CHRNA4: variants seen among roughly 807,000 people sequenced by gnomAD.
The protein encoded by CHRNA4 is neuronal acetylcholine receptor subunit alpha-4.
Under a neutral mutation model 48.9 loss-of-function variants are expected in CHRNA4, and 28 were observed. That is an observed-to-expected ratio of 0.57 (90% CI 0.42 to 0.79). CHRNA4 has a LOEUF of 0.79. Among genes scored for constraint, CHRNA4 ranks in the 30% least tolerant of loss-of-function variants. The pLI, the probability that CHRNA4 is intolerant of heterozygous loss-of-function variation, is 0.00. For missense variants in CHRNA4, 859 were observed against 898.4 expected, an observed-to-expected ratio of 0.96 and a Z score of 0.56; for synonymous variants, 425 against 402.3, an observed-to-expected ratio of 1.06 and a Z score of -0.68.
chr20:63,360,375 T>C (rs1160617075), intron 1 of CHRNA4, among the ~76,000 whole-genome samples: 2 of 152,160 alleles, frequency 1.3e-5, no homozygotes, highest in African/African-American at 4.8e-5. Flanking sequence ...CTGCCCGTGC[T>C]GTTGGGCAGA....
At chr20:63,359,911 G>GTGTGTGTGCCGGGCGTGCGC in intron 1 of CHRNA4, 4 of 518,628 alleles carry the variant, frequency 7.7e-6, no homozygotes, top group South Asian at 4.1e-5. Context: ...GTGTGTGTGT[G>GTGTGTGTGCCGGGCGTGCGC]TGTGTGTGTG....
At position 63,344,843 on chromosome 20, in the gene CHRNA4, G is replaced by A. The variant is rs1246346753; in HGVS notation, c.*1895C>T. The A allele has an allele frequency of 4.5e-6, 2 of 443,678 alleles. No individual in the cohort carries two copies. Among genetic ancestry groups the A allele is most frequent in the Admixed American group, 4.8e-5 (2 of 41,954 alleles). The allele number at this position is 443,678 out of a possible 1,614,324, so 27.5% of individuals were successfully genotyped here. A position where few individuals can be genotyped will look rare whatever the true frequency, so the allele number is the denominator to read the frequency against. ...TGGCCGAGGAGCAGCAGGGGCTGATGGCAGAGCGGGGGCAGGTCAGAGCTC... is the reference window on the plus strand; with the variant it reads ...TGGCCGAGGAGCAGCAGGGGCTGATAGCAGAGCGGGGGCAGGTCAGAGCTC... On this transcript the variant is annotated 3_prime_UTR_variant, in exon 6 of 6. Coordinates refer to ENST00000370263, the MANE Select transcript of CHRNA4 (RefSeq NM_000744.7). This position sits in a 1 kb window ranked among gnomAD's most constrained non-coding sequence, Gnocchi z 4.5.
chr20:63,350,064 G>A lies in CHRNA4; in HGVS notation c.1347C>T (p.Cys449=). ...KASPHPSPGP[C]RPPHGTQAPG... ...GTGCCTGGGTGCCGTGGGGCGGGCG[G>A]CAGGGTCCAGGCGAGGGGTGGGGGC... The change falls in exon 5 of 6, where the codon TGC becomes TGT. Residue 449 remains cysteine, a synonymous_variant. Coordinates refer to ENST00000370263, the MANE Select transcript of CHRNA4 (RefSeq NM_000744.7). 1 of 1,513,430 alleles carries A rather than the reference G, an allele frequency of 6.6e-7. No homozygotes were observed. Among genetic ancestry groups the A allele is most frequent in the Non-Finnish European group, 8.9e-7 (1 of 1,129,486 alleles). 93.8% of individuals were successfully genotyped at this position (1,513,430 alleles called of 1,614,324 possible).
chr20:63,358,200 G>A (rs774252692), intron 2 of CHRNA4, among the ~76,000 whole-genome samples: 3 of 152,192 alleles, frequency 2.0e-5, no homozygotes, highest in Non-Finnish European at 4.4e-5. Flanking sequence ...AACCCTGGAC[G>A]GGGCTGGCTG....
chr20:63,349,018 C>T (rs2068539816), intron 5 of CHRNA4, among the ~76,000 whole-genome samples: 1 of 152,134 alleles, frequency 6.6e-6, no homozygotes, highest in Non-Finnish European at 1.5e-5. Context: ...GGTAGGTGGG[C>T]TGGCCCCGGG....
chr20:63,350,820 G>T lies in CHRNA4; in HGVS notation c.591C>A (p.Arg197=), dbSNP rs776092779. 6.2e-7 allele frequency: 1 copy of T among 1,613,842 alleles called. No homozygotes were observed. Among genetic ancestry groups the T allele is most frequent in the Non-Finnish European group, 8.5e-7 (1 of 1,180,032 alleles). The change falls in exon 5 of 6, where the codon CGC becomes CGA. Residue 197 remains arginine (R), a synonymous_variant. Transcript: ENST00000370263. ...AKIDLVNMHS[R]VDQLDFWESG... ...TCTCCCAGAAGTCCAGCTGGTCCAC[G>T]CGGCTGTGCATGTTCACCAGGTCGA...
rs1064794327 is a variant in CHRNA4 at position 63,361,116 on chromosome 20, A to AGCAGCAGCGGCG, written c.38_49dup (p.Pro13_Leu16dup). On this transcript the variant is annotated inframe_insertion, in exon 1 of 6. Coordinates refer to ENST00000370263, the MANE Select transcript of CHRNA4 (RefSeq NM_000744.7). The stretch of plus-strand genomic sequence containing the variant: ...GCGCAGGAGGCCGGTCCCCAGAAGC[A>AGCAGCAGCGGCG]GCAGCAGCGGCGGCAGCAGCCGCGG... 79 of 1,478,312 alleles carry AGCAGCAGCGGCG rather than the reference A, an allele frequency of 5.3e-5. No homozygotes were observed. Among genetic ancestry groups the AGCAGCAGCGGCG allele is most frequent in the Middle Eastern group, 4.7e-4 (2 of 4,294 alleles). 91.6% of individuals were successfully genotyped at this position (1,478,312 alleles called of 1,614,324 possible).
rs564809892 is a variant in CHRNA4, at chr20:63,345,504, A to C, written c.*1234T>G. On this transcript the variant is annotated 3_prime_UTR_variant, in exon 6 of 6. Coordinates refer to ENST00000370263, the MANE Select transcript of CHRNA4 (RefSeq NM_000744.7). The surrounding 1 kb of genome is among the most constrained non-coding windows in gnomAD (Gnocchi z 5.4). ...TTTAGGGGGTGCACTGCCGGGCTCC[A>C]GGGTCATGCCTGGAAACATTTCAGG... is the stretch of plus-strand genomic sequence containing the variant. 2.5e-6 allele frequency: 1 copy of C among 399,382 alleles called. No individual in the cohort carries two copies. The highest frequency in any genetic ancestry group is 2.0e-5 in the African/African-American group (1 of 48,884). The allele number at this position is 399,382 out of a possible 1,614,324, so 24.7% of individuals were successfully genotyped here. A position where few individuals can be genotyped will look rare whatever the true frequency, so the allele number is the denominator to read the frequency against.
Position 63,345,649 on chromosome 20 carries a change from C to A in CHRNA4, c.*1089G>T. 1 of 453,944 alleles carries A rather than the reference C, an allele frequency of 2.2e-6. No homozygotes were observed. The highest frequency in any genetic ancestry group is 4.4e-6 in the Non-Finnish European group (1 of 226,680). 28.1% of individuals were successfully genotyped at this position (453,944 alleles called of 1,614,324 possible). Reference sequence around the variant, plus strand: ...CCAGGGCTCCCTGACTCCCATGAGGCTTCTCAGGGACTTCCTGCCCCGAGG... The same window carrying A: ...CCAGGGCTCCCTGACTCCCATGAGGATTCTCAGGGACTTCCTGCCCCGAGG... On this transcript the variant is annotated 3_prime_UTR_variant, in exon 6 of 6. Coordinates refer to ENST00000370263, the MANE Select transcript of CHRNA4 (RefSeq NM_000744.7). This position sits in a 1 kb window ranked among gnomAD's most constrained non-coding sequence, Gnocchi z 5.4.
Position 63,345,469 on chromosome 20 carries a change from G to A in CHRNA4, c.*1269C>T. The A allele has an allele frequency of 2.6e-6, 1 of 383,546 alleles. No individual in the cohort carries two copies. Among genetic ancestry groups the A allele is most frequent in the Non-Finnish European group, 5.3e-6 (1 of 187,774 alleles). The allele number at this position is 383,546 out of a possible 1,614,324, so 23.8% of individuals were successfully genotyped here. A position where few individuals can be genotyped will look rare whatever the true frequency, so the allele number is the denominator to read the frequency against. On this transcript the variant is annotated 3_prime_UTR_variant, in exon 6 of 6. Coordinates refer to ENST00000370263, the MANE Select transcript of CHRNA4 (RefSeq NM_000744.7). The surrounding 1 kb of genome is among the most constrained non-coding windows in gnomAD (Gnocchi z 5.4). The stretch of plus-strand genomic sequence containing the variant: ...CCTGGGGACACTGGGGGGCTGCCGG[G>A]TGCGCCATCTTTAGGGGGTGCACTG...
At chr20:63,347,872 G>A (rs3787138) in intron 5 of CHRNA4, among the ~76,000 whole-genome samples, 118,200 of 152,162 alleles carry the variant, frequency 0.78, 47,563 homozygotes, top group Non-Finnish European at 0.88. Context: ...TAGCAATCCC[G>A]GGTCTCCTGA....
rs2068718166 is a variant in CHRNA4 at position 63,356,290 on chromosome 20, G to A, written c.273+81C>T. The A allele has an allele frequency of 4.7e-6, 6 of 1,286,176 alleles. No individual in the cohort carries two copies. In the Admixed American group the frequency reaches 6.1e-5, roughly 13 times the overall value. 79.7% of individuals were successfully genotyped at this position (1,286,176 alleles called of 1,614,324 possible). The stretch of plus-strand genomic sequence containing the variant: ...GGCAGGGGTGGGGCAGGGCCAGGGT[G>A]GGGCAGGGCCAGGACAGGGCAGCAG... On this transcript the variant is annotated intron_variant, in intron 3 of 5. Coordinates refer to ENST00000370263, the MANE Select transcript of CHRNA4 (RefSeq NM_000744.7).
chr20:63,354,791 G>A (rs552082422), intron 4 of CHRNA4: 36 of 274,398 alleles, frequency 1.3e-4, no homozygotes, highest in South Asian at 4.1e-4. Flanking sequence ...AGGCGGATTC[G>A]GTGCATGGTC....
At chr20:63,352,208 C>T (rs2068626603) in intron 4 of CHRNA4, among the ~76,000 whole-genome samples, 1 of 152,208 alleles carries the variant, frequency 6.6e-6, no homozygotes, top group Non-Finnish European at 1.5e-5. Flanking sequence ...TCTCCAGGTA[C>T]TTGGGCAGAG....
chr20:63,356,082 C>T lies in CHRNA4; in HGVS notation c.276G>A (p.Glu92=). The T allele has an allele frequency of 6.4e-7, 1 of 1,556,816 alleles. No homozygotes were observed. The highest frequency in any genetic ancestry group is 8.7e-7 in the Non-Finnish European group (1 of 1,150,914). The change falls in exon 4 of 6, where the codon GAG becomes GAA. Residue 92 remains glutamate, a splice_region_variant and synonymous_variant. Coordinates refer to ENST00000370263, the MANE Select transcript of CHRNA4 (RefSeq NM_000744.7). ...MMTTNVWVKQ[E]WHDYKLRWDP... The stretch of plus-strand genomic sequence containing the variant: ...CCCAGCGCAGCTTGTAGTCGTGCCA[C>T]TCCTGGATGAGGTGGGGCGGGGGGA...
In CHRNA4 at chr20:63,345,203, G is replaced by A. The variant is rs1271684367; in HGVS notation, c.*1535C>T. 3 of 445,964 alleles carry A rather than the reference G, an allele frequency of 6.7e-6. No individual in the cohort carries two copies. Among genetic ancestry groups the A allele is most frequent in the Non-Finnish European group, 1.4e-5 (3 of 220,396 alleles). 27.6% of individuals were successfully genotyped at this position (445,964 alleles called of 1,614,324 possible). On this transcript the variant is annotated 3_prime_UTR_variant, in exon 6 of 6. Coordinates refer to ENST00000370263, the MANE Select transcript of CHRNA4 (RefSeq NM_000744.7). This position sits in a 1 kb window ranked among gnomAD's most constrained non-coding sequence, Gnocchi z 5.4. The stretch of plus-strand genomic sequence containing the variant: ...CGAGACCCTGGCCCAGGAGAGCTCG[G>A]CTCGGGGACAGAGGAATGAGACTCA...
chr20:63,361,298 C>T lies in CHRNA4; in HGVS notation c.-133G>A, dbSNP rs1384170424. 1 of 1,277,586 alleles carries T rather than the reference C, an allele frequency of 7.8e-7. No individual in the cohort carries two copies. The highest frequency in any genetic ancestry group is 4.3e-5 in the Admixed American group (1 of 23,328). The allele number at this position is 1,277,586 out of a possible 1,614,324, so 79.1% of individuals were successfully genotyped here. A position where few individuals can be genotyped will look rare whatever the true frequency, so the allele number is the denominator to read the frequency against. ...GGCCGCCGGGCCCGGTTCGTCTTCT[C>T]CTGTGGGGCGCGGTGCGGCGGCGGC... On this transcript the variant is annotated 5_prime_UTR_variant, in exon 1 of 6. Coordinates refer to ENST00000370263, the MANE Select transcript of CHRNA4 (RefSeq NM_000744.7).
chr20:63,349,654 G>A lies in CHRNA4; in HGVS notation c.1757C>T (p.Ser586Leu), dbSNP rs200644872. 68 of 1,612,642 alleles carry A rather than the reference G, an allele frequency of 4.2e-5. No individual in the cohort carries two copies. Among genetic ancestry groups the A allele is most frequent in the East Asian group, 6.7e-5 (3 of 44,890 alleles). The change falls in exon 5 of 6, where the codon TCG (serine) becomes TTG (leucine). Residue 586 changes from serine (S) to leucine (L), a missense_variant and splice_region_variant. By Grantham distance (145) the Ser-to-Leu change is moderately radical. Around this residue, in one of 3 missense-constraint regions of CHRNA4, gnomAD observed 478 missense variants for 455.4 expected, o/e 1.05. Coordinates refer to ENST00000370263, the MANE Select transcript of CHRNA4 (RefSeq NM_000744.7). ...AACACAGCCATGGGCGGGACTTACC[G>A]AGAAGTCTGTGTCTTCGGCCTTCAG... ...DHLKAEDTDF[S>L]VKEDWKYVAM...
chr20:63,359,927 G>T, intron 1 of CHRNA4: 1 of 443,076 alleles, frequency 2.3e-6, no homozygotes. Context: ...GTGTGTGTGT[G>T]TGCCGGGCGT....
Sources: gnomAD v4.1 joint callset for allele counts (sites outside exome capture counted in the v4.1 genomes callset) on GRCh38, gnomAD v4.1.1 for gene constraint, gnomAD v4.1.1 regional missense constraint, Gnocchi (gnomAD v3.1) non-coding constraint, MANE v1.5 for transcripts, NCBI Gene and HGNC (gene_info 2026-07-23, HGNC 2026-07-21) for gene names.